Variants in UST observed in about 807,000 individuals in gnomAD.
The protein encoded by UST is uronyl 2-sulfotransferase.
A neutral mutation model predicts 45.6 loss-of-function variants in UST; 21 were observed. That is an observed-to-expected ratio of 0.46 (90% CI 0.33 to 0.66). The LOEUF is 0.66. Ranked by LOEUF, UST falls within the 30% of genes least tolerant of loss-of-function variation. The pLI is 0.02. For missense variants in UST, 463 were observed against 512.4 expected (o/e 0.90, Z 0.93); for synonymous variants, 215 against 200.6 (o/e 1.07, Z -0.61).
chr6:149,061,724 T>G (rs1190988842), intron 7 of UST, among the ~76,000 whole-genome samples: 1 of 152,190 alleles, frequency 6.6e-6, no homozygotes, highest in Non-Finnish European at 1.5e-5. Flanking sequence ...GCCACCAGCT[T>G]TCTGTGGATA....
intron 5 of UST, among the ~76,000 whole-genome samples, chr6:148,969,094 T>G (rs551671409): frequency 6.6e-6 from 1 of 152,370 alleles, no homozygotes; most frequent in Non-Finnish European, 1.5e-5. Flanking sequence ...TTTAATCTAC[T>G]TGAAAGTTTT....
intron 1 of UST, among the ~76,000 whole-genome samples, chr6:148,828,917 A>G (rs922410325): frequency 2.0e-5 from 3 of 152,218 alleles, no homozygotes; most frequent in Admixed American, 2.0e-4. Context: ...CATTTGAATA[A>G]GTCAGCTGAA....
chr6:148,853,304 A>T (rs924989282), intron 1 of UST, among the ~76,000 whole-genome samples: 3 of 152,204 alleles, frequency 2.0e-5, no homozygotes, highest in African/African-American at 7.2e-5. Context: ...TTATGGCTGC[A>T]TAGTATTCCA....
intron 1 of UST, among the ~76,000 whole-genome samples, chr6:148,821,409 C>G (rs953367867): frequency 6.6e-6 from 1 of 152,086 alleles, no homozygotes; most frequent in Non-Finnish European, 1.5e-5. Context: ...AGAAGGGAGG[C>G]TGAGTTCTCA....
In UST at chr6:148,854,913, AC is replaced by A. The variant is rs1236256160; in HGVS notation, c.248-32070del. Among the ~76,000 whole-genome samples the A allele has an allele frequency of 3.3e-5, 5 of 152,290 alleles. 1 individual carries two copies. The East Asian group carries it at 9.6e-4, about 29-fold the overall frequency. On this transcript the variant is annotated intron_variant, in intron 1 of 7. Coordinates refer to ENST00000367463, the MANE Select transcript of UST (RefSeq NM_005715.3). ...ATTTTCACACTACTGATAAAGACAT[AC>A]CCGAGACGGGGCAATTTACAAAAGA...
chr6:148,915,035 G>T (rs1276682763), intron 2 of UST, among the ~76,000 whole-genome samples: 1 of 152,114 alleles, frequency 6.6e-6, no homozygotes, highest in African/African-American at 2.4e-5. Context: ...ACATGGTGGA[G>T]GGGGCATGGC....
chr6:148,862,275 CT>C (rs1163420528), intron 1 of UST, among the ~76,000 whole-genome samples: 1 of 151,822 alleles, frequency 6.6e-6, no homozygotes, highest in Non-Finnish European at 1.5e-5. Context: ...CTCTTTTGAT[CT>C]TTGTTGGTTT....
intron 1 of UST, among the ~76,000 whole-genome samples, chr6:148,772,481 G>A (rs1429407442): frequency 6.6e-6 from 1 of 151,384 alleles, no homozygotes. Flanking sequence ...GGAGTGCAGT[G>A]GCACAATCTT....
intron 1 of UST, among the ~76,000 whole-genome samples, chr6:148,796,835 C>G (rs1417163145): frequency 3.7e-5 from 5 of 135,776 alleles, no homozygotes; most frequent in South Asian, 2.4e-4. Context: ...TGGAGTCTCC[C>G]TCTGTCACCC....
chr6:148,752,295 A>G (rs1389901529), intron 1 of UST, among the ~76,000 whole-genome samples: 2 of 152,212 alleles, frequency 1.3e-5, no homozygotes, highest in Non-Finnish European at 2.9e-5. Flanking sequence ...TTTCTTCTGC[A>G]TTTCACACAT....
intron 1 of UST, among the ~76,000 whole-genome samples, chr6:148,757,185 A>G (rs1360946670): frequency 6.6e-6 from 1 of 152,230 alleles, no homozygotes; most frequent in East Asian, 1.9e-4. Context: ...CCTTCTGTGC[A>G]CAGAGATAAC....
chr6:148,948,252 G>T (rs1780289192), intron 3 of UST, among the ~76,000 whole-genome samples: 1 of 152,190 alleles, frequency 6.6e-6, no homozygotes, highest in Non-Finnish European at 1.5e-5. Flanking sequence ...TCCTTATTTT[G>T]CTTTGATATG....
intron 5 of UST, chr6:148,990,512 C>T (rs976188091): frequency 1.8e-6 from 1 of 551,180 alleles, no homozygotes; most frequent in Non-Finnish European, 2.3e-6. Flanking sequence ...ATTACAATCC[C>T]AGATATTCAG....
chr6:148,928,909 C>T (rs1033397411), intron 2 of UST, among the ~76,000 whole-genome samples: 1 of 152,224 alleles, frequency 6.6e-6, no homozygotes, highest in Non-Finnish European at 1.5e-5. Flanking sequence ...GAAGCAATGT[C>T]ATTTTATGTA....
chr6:148,909,078 T>A (rs2114875508), intron 2 of UST, among the ~76,000 whole-genome samples: 1 of 152,332 alleles, frequency 6.6e-6, no homozygotes, highest in Non-Finnish European at 1.5e-5. Context: ...TGTGTTTTCA[T>A]ATATTGTTTT....
intron 1 of UST, among the ~76,000 whole-genome samples, chr6:148,849,500 A>G (rs948216590): frequency 2.0e-5 from 3 of 152,136 alleles, no homozygotes; most frequent in African/African-American, 7.2e-5. Flanking sequence ...TGGATGCTGT[A>G]TTAGTCCGTT....
At chr6:149,070,672 CATA>C (rs1776806747) in intron 7 of UST, among the ~76,000 whole-genome samples, 1 of 151,958 alleles carries the variant, frequency 6.6e-6, no homozygotes, top group Non-Finnish European at 1.5e-5. Context: ...GCATGCAATG[CATA>C]ATAATCTCAT....
intron 5 of UST, among the ~76,000 whole-genome samples, chr6:148,989,353 T>C (rs7773722): frequency 0.079 from 12,009 of 152,150 alleles, 1,489 homozygotes; most frequent in African/African-American, 0.27. Context: ...GCTGGCTGAG[T>C]TCCAAAAGAA....
At chr6:149,073,278 T>C (rs572949576) in intron 7 of UST, among the ~76,000 whole-genome samples, 2 of 152,106 alleles carry the variant, frequency 1.3e-5, no homozygotes, top group African/African-American at 4.8e-5. Context: ...CTACAAAAAA[T>C]AAAAATAAAT....
Sources: allele counts gnomAD v4.1 joint callset (sites outside exome capture counted in the v4.1 genomes callset), GRCh38; gene constraint gnomAD v4.1.1; transcripts MANE v1.5; gene names NCBI Gene and HGNC (gene_info 2026-07-23, HGNC 2026-07-21).